The following BAZ2B variants were observed in gnomAD, a reference collection of about 807,000 sequenced individuals.
BAZ2B encodes bromodomain adjacent to zinc finger domain 2B, also known as bromodomain adjacent to zinc finger domain protein 2B.
In BAZ2B, 91 loss-of-function variants were observed where a neutral mutation model predicts 246.0. The ratio of observed to expected loss-of-function variants is 0.37; its 90% CI spans 0.31 to 0.44. The LOEUF (loss-of-function observed/expected upper bound fraction) is 0.44. Ranked by LOEUF, BAZ2B falls within the 20% of genes least tolerant of loss-of-function variation. The probability of loss-of-function intolerance (pLI) is 1.00; values close to 1 mark genes in which losing one functional copy is unlikely to be tolerated. For synonymous variants in BAZ2B, 855 were observed against 860.0 expected (o/e 0.99, Z 0.10); for missense variants, 2,332 against 2,533.7 (o/e 0.92, Z 1.71).
chr2:159,485,162 A>G (rs903643332), intron 2 of BAZ2B, among the ~76,000 whole-genome samples: 5 of 152,206 alleles, frequency 3.3e-5, no homozygotes, highest in Non-Finnish European at 5.9e-5. Context: ...AGGTTTACAT[A>G]TAATTATTTG....
At chr2:159,667,742 T>G in the BAZ2B span, among the ~76,000 whole-genome samples, 2 of 152,124 alleles carry the variant, frequency 1.3e-5, no homozygotes, top group African/African-American at 4.8e-5. Flanking sequence ...TTTGATTCTG[T>G]TCCATTGGTC....
intron 1 of BAZ2B, among the ~76,000 whole-genome samples, chr2:159,592,261 G>A (rs1689574838): frequency 6.6e-6 from 1 of 152,120 alleles, no homozygotes; most frequent in Non-Finnish European, 1.5e-5. Flanking sequence ...GATTTACTAA[G>A]TAATTCTGGG....
chr2:159,383,579 C>T (rs1322971364), intron 24 of BAZ2B, 27 bp downstream of exon 24: 11 of 1,569,632 alleles, frequency 7.0e-6, no homozygotes, highest in South Asian at 3.4e-5. Flanking sequence ...GAAAACAGTA[C>T]ATTAACTTTA....
intron 1 of BAZ2B, among the ~76,000 whole-genome samples, chr2:159,567,572 TAA>T (rs1682939941): frequency 6.6e-6 from 1 of 152,200 alleles, no homozygotes; most frequent in African/African-American, 2.4e-5. Flanking sequence ...TTAGCTAAAA[TAA>T]GAGGGTTTGA....
intron 20 of BAZ2B, among the ~76,000 whole-genome samples, chr2:159,391,017 A>G (rs992654714): frequency 6.6e-5 from 10 of 152,182 alleles, no homozygotes; most frequent in African/African-American, 1.9e-4. Context: ...AGCCCTTACA[A>G]AAGGGCAGCA....
rs190163502 is a variant in BAZ2B, at chr2:159,436,657, G to A, written c.1293+1646C>T. The stretch of plus-strand genomic sequence containing the variant: ...TCCCAGCTACTCGGGAGGCTGAGGC[G>A]GGAGAATGGCGTGAACCCAGGAGGT... On this transcript the variant is annotated intron_variant, in intron 8 of 36. Transcript: ENST00000392783. Among the ~76,000 whole-genome samples the A allele has an allele frequency of 4.1e-3, 617 of 152,086 alleles. 4 individuals are homozygous for A. The highest frequency in any genetic ancestry group is 0.014 in the African/African-American group (586 of 41,482).
the BAZ2B span, among the ~76,000 whole-genome samples, chr2:159,663,311 C>T: frequency 6.6e-6 from 1 of 151,200 alleles, no homozygotes. Context: ...AAGCAATTCT[C>T]CTGCCTCAGC....
chr2:159,546,970 G>A (rs1039415216), intron 2 of BAZ2B, among the ~76,000 whole-genome samples: 4 of 152,012 alleles, frequency 2.6e-5, no homozygotes, highest in Admixed American at 1.3e-4. Flanking sequence ...AAGTGTCTAC[G>A]TTTTCTGAAA....
At chr2:159,514,141 T>A (rs949912882) in intron 2 of BAZ2B, among the ~76,000 whole-genome samples, 3 of 152,196 alleles carry the variant, frequency 2.0e-5, no homozygotes, top group African/African-American at 7.2e-5. Context: ...ACATTTGTCA[T>A]CTTCTAAAAT....
At chr2:159,456,033 T>G (rs2150514796) in intron 3 of BAZ2B, among the ~76,000 whole-genome samples, 1 of 151,998 alleles carries the variant, frequency 6.6e-6, no homozygotes, top group South Asian at 2.1e-4. Context: ...GAATTTGGGG[T>G]CATCTGTAAT....
intron 31 of BAZ2B, 149 bp downstream of exon 31, chr2:159,347,337 A>T (rs2068042844): frequency 1.1e-6 from 1 of 945,910 alleles, no homozygotes; most frequent in Non-Finnish European, 1.6e-6. Flanking sequence ...TCCTTAACAG[A>T]TGGGGCAAAT....
At chr2:159,474,696 G>A (rs1044615238) in intron 3 of BAZ2B, among the ~76,000 whole-genome samples, 2 of 152,154 alleles carry the variant, frequency 1.3e-5, no homozygotes, top group African/African-American at 4.8e-5. Flanking sequence ...GGCTGGTACT[G>A]GTTATTCTTT....
the BAZ2B span, among the ~76,000 whole-genome samples, chr2:159,668,318 C>A: frequency 2.0e-5 from 3 of 152,078 alleles, no homozygotes; most frequent in Non-Finnish European, 4.4e-5. Flanking sequence ...TTCTTTTGCC[C>A]TAATGCAATG....
the BAZ2B span, among the ~76,000 whole-genome samples, chr2:159,669,229 G>C: frequency 6.6e-6 from 1 of 152,096 alleles, no homozygotes; most frequent in African/African-American, 2.4e-5. Flanking sequence ...ATTTAGGGGG[G>C]TGTTAAGTTT....
upstream of BAZ2B, among the ~76,000 whole-genome samples, chr2:159,620,810 G>A (rs1449715072): frequency 6.6e-6 from 1 of 152,208 alleles, no homozygotes; most frequent in African/African-American, 2.4e-5. Context: ...AAAGGCCTAA[G>A]TACCATGGTA....
chr2:159,654,621 CAGA>C, the BAZ2B span, among the ~76,000 whole-genome samples: 1 of 151,764 alleles, frequency 6.6e-6, no homozygotes, highest in Admixed American at 6.6e-5. Context: ...AAAAAAATGC[CAGA>C]AGAACTTACT....
chr2:159,398,843 C>T lies in BAZ2B; in HGVS notation c.2950G>A (p.Glu984Lys), dbSNP rs770822374. 8 of 1,610,526 alleles carry T rather than the reference C, an allele frequency of 5.0e-6. No individual in the cohort carries two copies. Among genetic ancestry groups the T allele is most frequent in the Middle Eastern group, 1.7e-4 (1 of 6,052 alleles). Residue 984 changes from glutamate to lysine, a missense_variant, in exon 18 of 37, where the codon GAG (glutamate) becomes AAG (lysine). By Grantham distance (56) the Glu-to-Lys change is moderately conservative. Around this residue, in one of 9 missense-constraint regions of BAZ2B, gnomAD observed 328 missense variants for 410.4 expected, o/e 0.80. Coordinates refer to ENST00000392783, the MANE Select transcript of BAZ2B (RefSeq NM_013450.4). Reference protein sequence around the residue: ...EAANAKLLEAEKRIKEKEMRR... With the variant: ...EAANAKLLEAKKRIKEKEMRR... ...TCTAAACTAACCTTTATTCGTTTCT[C>T]GGCCTCCAATAATTTGGCATTTGCC...
chr2:159,402,119 G>A (rs190034639), intron 16 of BAZ2B, among the ~76,000 whole-genome samples: 2 of 152,066 alleles, frequency 1.3e-5, no homozygotes, highest in African/African-American at 2.4e-5. Context: ...TCTTATCATG[G>A]TACTGAATAT....
chr2:159,423,194 T>C (rs1173282716), intron 13 of BAZ2B, among the ~76,000 whole-genome samples: 7 of 151,994 alleles, frequency 4.6e-5, no homozygotes, highest in South Asian at 4.2e-4. Context: ...CAGGCGTCTG[T>C]AGTCCCAGCT....
Sources: allele counts gnomAD v4.1 joint callset (sites outside exome capture counted in the v4.1 genomes callset), GRCh38; gene constraint gnomAD v4.1.1; regional missense constraint gnomAD v4.1.1; transcripts MANE v1.5; gene names NCBI Gene and HGNC (gene_info 2026-07-23, HGNC 2026-07-21).